Variants in DYSF observed in about 807,000 individuals in gnomAD.
DYSF encodes the protein dystrophy-associated fer-1-like 1.
In DYSF, 212 loss-of-function variants were observed where a neutral mutation model predicts 274.9. That is an observed-to-expected ratio of 0.77 (90% confidence interval 0.69 to 0.86). The LOEUF is 0.86. DYSF is among the 40% of genes least tolerant of loss of function. The pLI, the probability that DYSF is intolerant of heterozygous loss-of-function variation, is 0.00. For missense variants in DYSF, 2,666 were observed against 2,783.2 expected (o/e 0.96, Z 0.95); for synonymous variants, 1,091 against 1,078.7 (o/e 1.01, Z -0.22).
intron 20 of DYSF, 133 bp from the exon 21 acceptor site, chr2:71,553,674 G>A: frequency 8.7e-7 from 1 of 1,155,182 alleles, no homozygotes; most frequent in South Asian, 1.4e-5. Flanking sequence ...GCCTGTCTCT[G>A]TCCCACGTGT....
rs758688467 is a variant in DYSF, at chr2:71,612,699, G to A, written c.4280G>A (p.Arg1427His). The part of the protein sequence containing the change: ...PPITVKVIDN[R>H]QFGRRPVVGQ... The stretch of plus-strand genomic sequence containing the variant: ...ATCACCGTCAAGGTCATCGATAACC[G>A]CCAGTTTGGCCGCCGGCCTGTGGTG... The change falls in exon 39 of 56, where the codon CGC (arginine) becomes CAC (histidine). Residue 1427 changes from arginine (R) to histidine (H), a missense_variant. Around this residue, in one of 3 missense-constraint regions of DYSF, gnomAD observed 1,460 missense variants for 1,502.1 expected, o/e 0.97. Transcript: ENST00000410020. 1.9e-5 allele frequency: 31 copies of A among 1,614,040 alleles called. No homozygotes were observed. Among genetic ancestry groups the A allele is most frequent in the Admixed American group, 6.7e-5 (4 of 60,006 alleles).
chr2:71,525,911 G>T (rs996843051), intron 12 of DYSF, among the ~76,000 whole-genome samples: 1 of 152,166 alleles, frequency 6.6e-6, no homozygotes, highest in African/African-American at 2.4e-5. Flanking sequence ...ACCGGGAGGT[G>T]GGGGAGAGCG....
chr2:71,617,042 C>A (rs1012738492), intron 40 of DYSF, among the ~76,000 whole-genome samples: 2 of 152,070 alleles, frequency 1.3e-5, no homozygotes, highest in Non-Finnish European at 2.9e-5. Flanking sequence ...CTTGAAGCTC[C>A]AAATAGAGGC....
chr2:71,491,308 T>C (rs993745511), intron 3 of DYSF, among the ~76,000 whole-genome samples: 1 of 152,258 alleles, frequency 6.6e-6, no homozygotes, highest in African/African-American at 2.4e-5. Context: ...CCTCACTCTG[T>C]TCTATCTGTA....
At chr2:71,561,228 G>A (rs1035315916) in intron 22 of DYSF, among the ~76,000 whole-genome samples, 8 of 152,204 alleles carry the variant, frequency 5.3e-5, no homozygotes, top group African/African-American at 1.7e-4. Context: ...CACCTCAGGT[G>A]GATACATCTG....
In DYSF at chr2:71,663,903, G is replaced by A. The variant is rs543399610; in HGVS notation, c.5004-365G>A. Among the ~76,000 whole-genome samples, 27 of 152,232 alleles carry A rather than the reference G, an allele frequency of 1.8e-4. No homozygotes were observed. In the South Asian group the frequency reaches 2.9e-3, roughly 16 times the overall value. On this transcript the variant is annotated intron_variant, in intron 45 of 55. Coordinates refer to ENST00000410020, the MANE Select transcript of DYSF (RefSeq NM_001130987.2). ...CCCTGGACTGGAGGTACCAGTCGTC[G>A]GTAAATTCCAAAGCTCTGGCCCCTG...
intron 22 of DYSF, among the ~76,000 whole-genome samples, chr2:71,560,920 C>G (rs1237576743): frequency 6.6e-6 from 1 of 152,082 alleles, no homozygotes; most frequent in Admixed American, 6.5e-5. Flanking sequence ...GAGAGGAGTC[C>G]CGCTTGGTTA....
chr2:71,654,157 A>G (rs898588679), intron 42 of DYSF, among the ~76,000 whole-genome samples: 1 of 152,214 alleles, frequency 6.6e-6, no homozygotes, highest in Non-Finnish European at 1.5e-5. Flanking sequence ...AAGTTTCTCT[A>G]TTATTATTAT....
At chr2:71,560,571 G>A (rs1251008504) in intron 22 of DYSF, among the ~76,000 whole-genome samples, 2 of 152,170 alleles carry the variant, frequency 1.3e-5, no homozygotes, top group Admixed American at 6.5e-5. Context: ...AGTTTCCCGA[G>A]ATGGAGTTTG....
intron 4 of DYSF, 45 bp from the exon 5 acceptor site, chr2:71,511,762 C>T (rs1176561939): frequency 7.5e-6 from 9 of 1,202,808 alleles, no homozygotes; most frequent in South Asian, 3.9e-5. Flanking sequence ...GGCAGTGGTC[C>T]GAGGCCAGCG....
At chr2:71,536,102 G>A (rs978244304) in intron 16 of DYSF, among the ~76,000 whole-genome samples, 1 of 152,204 alleles carries the variant, frequency 6.6e-6, no homozygotes, top group African/African-American at 2.4e-5. Flanking sequence ...GTTGAGGGGA[G>A]CTGTCTCTTA....
intron 29 of DYSF, 115 bp from the exon 30 acceptor site, chr2:71,574,080 CTAG>C: frequency 7.7e-7 from 1 of 1,298,594 alleles, no homozygotes; most frequent in African/African-American, 1.4e-5. Flanking sequence ...CTGGAGGGCA[CTAG>C]TGTGGGAGCT....
At chr2:71,682,117 G>A (rs1025465984) in intron 54 of DYSF, among the ~76,000 whole-genome samples, 14 of 152,248 alleles carry the variant, frequency 9.2e-5, no homozygotes, top group South Asian at 4.2e-4. Context: ...GACTAGCCAT[G>A]TGCATCTGGG....
rs1429277544 is a variant in DYSF, at chr2:71,516,985, G to T, written c.952-4G>T. The T allele has an allele frequency of 6.2e-7, 1 of 1,614,124 alleles. No homozygotes were observed. The highest frequency in any genetic ancestry group is 1.7e-5 in the Admixed American group (1 of 60,018). On this transcript the variant is annotated splice_region_variant and splice_polypyrimidine_tract_variant and intron_variant, in intron 9 of 55. Transcript: ENST00000410020. ...ATGTGAGTTTCCATGATCTTTCTCT[G>T]CAGGTGGTAGACTCTCGTTCTCTCA... is the stretch of plus-strand genomic sequence containing the variant.
chr2:71,589,585 G>C lies in DYSF; in HGVS notation c.3403-8G>C, dbSNP rs779448304. 7 of 1,613,770 alleles carry C rather than the reference G, an allele frequency of 4.3e-6. No individual in the cohort carries two copies. The South Asian group carries it at 7.7e-5, about 18-fold the overall frequency. ...CAGAATCTGCCATAACCAGCTTCGTGTCTCCAGGGCGGCGTGATGGATGAC... is the reference window on the plus strand; with the variant it reads ...CAGAATCTGCCATAACCAGCTTCGTCTCTCCAGGGCGGCGTGATGGATGAC... On this transcript the variant is annotated splice_region_variant and splice_polypyrimidine_tract_variant and intron_variant, in intron 30 of 55. Coordinates refer to ENST00000410020, the MANE Select transcript of DYSF (RefSeq NM_001130987.2).
chr2:71,562,680 T>C (rs1191390673), intron 23 of DYSF, among the ~76,000 whole-genome samples: 1 of 151,374 alleles, frequency 6.6e-6, no homozygotes, highest in African/African-American at 2.4e-5. Flanking sequence ...TCCCCAGGAG[T>C]GTGAGAAGGG....
At chr2:71,658,604 G>A (rs1483828042) in intron 43 of DYSF, among the ~76,000 whole-genome samples, 1 of 152,202 alleles carries the variant, frequency 6.6e-6, no homozygotes, top group African/African-American at 2.4e-5. Context: ...GGAGGTGAAA[G>A]GCAGTTCTTA....
At chr2:71,660,688 C>T in intron 45 of DYSF, 37 bp downstream of exon 45, 1 of 1,566,100 alleles carries the variant, frequency 6.4e-7, no homozygotes, top group East Asian at 2.2e-5. Context: ...GGTGGAGGAG[C>T]CAGACAGGAT....
intron 40 of DYSF, among the ~76,000 whole-genome samples, chr2:71,619,268 C>T (rs2094030624): frequency 6.6e-6 from 1 of 152,098 alleles, no homozygotes; most frequent in Non-Finnish European, 1.5e-5. Context: ...TTCACCCAGT[C>T]TATTCCAGGG....
Sources: allele counts gnomAD v4.1 joint callset (sites outside exome capture counted in the v4.1 genomes callset), GRCh38; gene constraint gnomAD v4.1.1; regional missense constraint gnomAD v4.1.1; transcripts MANE v1.5; gene names NCBI Gene and HGNC (gene_info 2026-07-23, HGNC 2026-07-21).